Variants in COL7A1 observed in about 807,000 individuals in gnomAD.
COL7A1 encodes collagen type VII alpha 1 chain.
COL7A1 carries 296 observed loss-of-function variants against 456.2 expected under a neutral mutation model. That is an observed-to-expected ratio of 0.65 (90% CI 0.59 to 0.71). The LOEUF (loss-of-function observed/expected upper bound fraction) is 0.71. COL7A1 is among the 30% of genes least tolerant of loss of function. COL7A1 has a pLI of 0.00. For synonymous variants in COL7A1, 1,464 were observed against 1,525.9 expected (o/e 0.96, Z 0.95); for missense variants, 3,441 against 4,017.2 (o/e 0.86, Z 3.88).
Position 48,566,139 on chromosome 3 carries a change from G to T in COL7A1, c.8407+128C>A. The T allele has an allele frequency of 1.0e-6, 1 of 978,750 alleles. No homozygotes were observed. Among genetic ancestry groups the T allele is most frequent in the Non-Finnish European group, 1.6e-6 (1 of 631,854 alleles). The allele number at this position is 978,750 out of a possible 1,614,324, so 60.6% of individuals were successfully genotyped here. A position where few individuals can be genotyped will look rare whatever the true frequency, so the allele number is the denominator to read the frequency against. On this transcript the variant is annotated intron_variant, in intron 114 of 118. Transcript: ENST00000681320. This position sits in a 1 kb window ranked among gnomAD's most constrained non-coding sequence, Gnocchi z 5.9. The stretch of plus-strand genomic sequence containing the variant: ...GTCATGTGTCAGTCCTGCAGCACAT[G>T]TGTCCTTCTGTGTATCCATCCATCC...
chr3:48,569,954 G>T lies in COL7A1; in HGVS notation c.7486-39C>A. ...GGTGACCGTGAGCTACAGGAACCAG[G>T]GCAGTGGAGGACGGAGGAGGATCAG... On this transcript the variant is annotated intron_variant, in intron 99 of 118. Coordinates refer to ENST00000681320, the MANE Select transcript of COL7A1 (RefSeq NM_000094.4). The surrounding 1 kb of genome is among the most constrained non-coding windows in gnomAD (Gnocchi z 4.9). 3 of 1,613,648 alleles carry T rather than the reference G, an allele frequency of 1.9e-6. No individual in the cohort carries two copies. The highest frequency in any genetic ancestry group is 2.5e-6 in the Non-Finnish European group (3 of 1,179,694).
At position 48,569,027 on chromosome 3, in the gene COL7A1, C is replaced by G. The variant is rs2043755228; in HGVS notation, c.7687-172G>C. 6.6e-6 allele frequency among the ~76,000 whole-genome samples: 1 copy of G among 152,140 alleles called. No individual in the cohort carries two copies. The highest frequency in any genetic ancestry group is 1.5e-5 in the Non-Finnish European group (1 of 68,004). The stretch of plus-strand genomic sequence containing the variant: ...GGAACTGGGGGCTGTAGTCCACAGA[C>G]TGGCTCATTTCTCACCCCAAGGACT... On this transcript the variant is annotated intron_variant, in intron 103 of 118. Transcript: ENST00000681320. The surrounding 1 kb of genome is among the most constrained non-coding windows in gnomAD (Gnocchi z 4.9).
At position 48,581,719 on chromosome 3, in the gene COL7A1, AC is replaced by A. The variant is rs768028370; in HGVS notation, c.4708del (p.Val1570SerfsTer140). ...GPAGPRGATG[V>X]QGERGPPGLV... ...CGCTTCACTTACCCGTTCCCCTTGG[AC>A]TCCGGTAGCTCCTCTGGGCCCAGCG... On this transcript the variant is annotated frameshift_variant, in exon 49 of 119. Transcript: ENST00000681320. LOFTEE classifies it high-confidence loss of function. The surrounding 1 kb of genome is among the most constrained non-coding windows in gnomAD (Gnocchi z 5.8). 1 of 1,613,768 alleles carries A rather than the reference AC, an allele frequency of 6.2e-7. No individual in the cohort carries two copies. The highest frequency in any genetic ancestry group is 8.5e-7 in the Non-Finnish European group (1 of 1,179,960).
In COL7A1 at chr3:48,581,729, C is replaced by T; in HGVS notation, c.4699G>A (p.Ala1567Thr). 1.2e-6 allele frequency: 2 copies of T among 1,614,118 alleles called. No homozygotes were observed. The highest frequency in any genetic ancestry group is 1.7e-6 in the Non-Finnish European group (2 of 1,180,036). ...GDVGPAGPRG[A>T]TGVQGERGPP... Reference sequence around the variant, plus strand: ...ACCCGTTCCCCTTGGACTCCGGTAGCTCCTCTGGGCCCAGCGGGCCCCACA... The same window carrying T: ...ACCCGTTCCCCTTGGACTCCGGTAGTTCCTCTGGGCCCAGCGGGCCCCACA... The change falls in exon 49 of 119, where the codon GCT becomes ACT. Residue 1567 changes from alanine to threonine, a missense_variant. Transcript: ENST00000681320. This position sits in a 1 kb window ranked among gnomAD's most constrained non-coding sequence, Gnocchi z 5.8.
Position 48,592,708 on chromosome 3 carries a change from G to A in COL7A1, c.847-9C>T. 6.2e-7 allele frequency: 1 copy of A among 1,613,542 alleles called. No homozygotes were observed. Among genetic ancestry groups the A allele is most frequent in the Non-Finnish European group, 8.5e-7 (1 of 1,180,044 alleles). On this transcript the variant is annotated splice_polypyrimidine_tract_variant and intron_variant, in intron 7 of 118. Transcript: ENST00000681320. This position sits in a 1 kb window ranked among gnomAD's most constrained non-coding sequence, Gnocchi z 7.6. ...CCAGCTGGGACGTTCACCTGCCCAG[G>A]GCAAGAGGTCACTTTATCTTGCCCA...
Position 48,564,523 on chromosome 3 carries a change from G to A in COL7A1, c.8819-101C>T, listed in dbSNP as rs2043519324. 2.1e-6 allele frequency: 3 copies of A among 1,435,546 alleles called. No homozygotes were observed. The highest frequency in any genetic ancestry group is 1.8e-5 in the Admixed American group (1 of 54,878). 88.9% of individuals were successfully genotyped at this position (1,435,546 alleles called of 1,614,324 possible). On this transcript the variant is annotated intron_variant, in intron 118 of 118. Coordinates refer to ENST00000681320, the MANE Select transcript of COL7A1 (RefSeq NM_000094.4). The surrounding 1 kb of genome is among the most constrained non-coding windows in gnomAD (Gnocchi z 6.0). ...GGGGAGGGAGCGGAGGCTACAACAG[G>A]AAGTGGGGGCTCTGACCTCAGAGGG...
rs922983486 is a variant in COL7A1 at position 48,571,087 on chromosome 3, G to A, written c.7164+14C>T. 7 of 1,613,680 alleles carry A rather than the reference G, an allele frequency of 4.3e-6. No individual in the cohort carries two copies. Among genetic ancestry groups the A allele is most frequent in the Non-Finnish European group, 5.9e-6 (7 of 1,179,904 alleles). ...CCTGCTGCCCCTACAACTGGTGATGGGGCATTGACTTACCTTCACACCTGG... is the reference window on the plus strand; with the variant it reads ...CCTGCTGCCCCTACAACTGGTGATGAGGCATTGACTTACCTTCACACCTGG... On this transcript the variant is annotated intron_variant, in intron 94 of 118. Transcript: ENST00000681320. The surrounding 1 kb of genome is among the most constrained non-coding windows in gnomAD (Gnocchi z 4.6).
chr3:48,580,160 C>T lies in COL7A1; in HGVS notation c.5098-103G>A. 1.1e-5 allele frequency: 17 copies of T among 1,549,904 alleles called. No individual in the cohort carries two copies. Among genetic ancestry groups the T allele is most frequent in the Non-Finnish European group, 1.5e-5 (17 of 1,132,516 alleles). Reference sequence around the variant, plus strand: ...CTGCCCCCAAGTTCCCCGAAGCACCCCAATGCCAGCCCCCAGCAGGCATGG... The same window carrying T: ...CTGCCCCCAAGTTCCCCGAAGCACCTCAATGCCAGCCCCCAGCAGGCATGG... On this transcript the variant is annotated intron_variant, in intron 56 of 118. Coordinates refer to ENST00000681320, the MANE Select transcript of COL7A1 (RefSeq NM_000094.4). The surrounding 1 kb of genome is among the most constrained non-coding windows in gnomAD (Gnocchi z 4.5).
rs949315239 is a variant in COL7A1 at position 48,568,074 on chromosome 3, C to T, written c.7875+16G>A. On this transcript the variant is annotated intron_variant, in intron 106 of 118. Transcript: ENST00000681320. This position sits in a 1 kb window ranked among gnomAD's most constrained non-coding sequence, Gnocchi z 5.2. ...CCTTCCTGACCAGAAAAAAACCAAT[C>T]TTGTTTCTTTCCTACCTTGAGGCCC... 3.7e-6 allele frequency: 6 copies of T among 1,614,012 alleles called. No homozygotes were observed. Among genetic ancestry groups the T allele is most frequent in the Admixed American group, 3.3e-5 (2 of 60,010 alleles).
At position 48,580,862 on chromosome 3, in the gene COL7A1, T is replaced by A. The variant is rs765082267; in HGVS notation, c.4980+20A>T. On this transcript the variant is annotated intron_variant, in intron 54 of 118. Transcript: ENST00000681320. The surrounding 1 kb of genome is among the most constrained non-coding windows in gnomAD (Gnocchi z 4.5). ...GCCCACCTCCCATCACCCCTGTTACTTCTCTCTGCCAAGACTCACCCGAAG... is the reference window on the plus strand; with the variant it reads ...GCCCACCTCCCATCACCCCTGTTACATCTCTCTGCCAAGACTCACCCGAAG... The A allele has an allele frequency of 6.2e-7, 1 of 1,614,102 alleles. No individual in the cohort carries two copies.
At position 48,564,448 on chromosome 3, in the gene COL7A1, C is replaced by T. The variant is rs772578349; in HGVS notation, c.8819-26G>A. On this transcript the variant is annotated intron_variant, in intron 118 of 118. Transcript: ENST00000681320. This position sits in a 1 kb window ranked among gnomAD's most constrained non-coding sequence, Gnocchi z 6.0. ...CTGGTGAGGACAGGTTGGAAACGGTCGTCAGCCATCTGACCTTCCCCGGAG... is the reference window on the plus strand; with the variant it reads ...CTGGTGAGGACAGGTTGGAAACGGTTGTCAGCCATCTGACCTTCCCCGGAG... The T allele has an allele frequency of 3.7e-6, 6 of 1,613,704 alleles. No individual in the cohort carries two copies. The highest frequency in any genetic ancestry group is 3.3e-5 in the Admixed American group (2 of 60,004).
chr3:48,577,943 G>A lies in COL7A1; in HGVS notation c.5532+378C>T, dbSNP rs1053393432. On this transcript the variant is annotated intron_variant, in intron 65 of 118. Transcript: ENST00000681320. The stretch of plus-strand genomic sequence containing the variant: ...AGCACTTTAGGAGGCCGAGGCGGGC[G>A]GATCACCTGAGGTCAGTTTGTGATC... 1.2e-4 allele frequency among the ~76,000 whole-genome samples: 19 copies of A among 152,288 alleles called. No homozygotes were observed. The East Asian group carries it at 2.1e-3, about 17-fold the overall frequency.
Position 48,594,075 on chromosome 3 carries a change from A to G in COL7A1, c.266+293T>C, listed in dbSNP as rs2045899813. 6.6e-6 allele frequency among the ~76,000 whole-genome samples: 1 copy of G among 152,236 alleles called. No individual in the cohort carries two copies. The highest frequency in any genetic ancestry group is 2.4e-5 in the African/African-American group (1 of 41,464). On this transcript the variant is annotated intron_variant, in intron 3 of 118. Coordinates refer to ENST00000681320, the MANE Select transcript of COL7A1 (RefSeq NM_000094.4). This position sits in a 1 kb window ranked among gnomAD's most constrained non-coding sequence, Gnocchi z 5.5. ...TAGAGGGCTAGAACGTGGAGAATCC[A>G]ACAGGCGTGGGGGCCCCCTCCTGGG...
At position 48,583,787 on chromosome 3, in the gene COL7A1, A is replaced by C. The variant is rs2044975790; in HGVS notation, c.4279-7T>G. On this transcript the variant is annotated splice_polypyrimidine_tract_variant and splice_region_variant and intron_variant, in intron 39 of 118. Coordinates refer to ENST00000681320, the MANE Select transcript of COL7A1 (RefSeq NM_000094.4). The surrounding 1 kb of genome is among the most constrained non-coding windows in gnomAD (Gnocchi z 5.1). ...CAGGGCTTCCGGGAAGACCCTAGGA[A>C]GAAGTGAGTAAAAATATGAGCCAAG... 1.9e-6 allele frequency: 3 copies of C among 1,613,786 alleles called. No homozygotes were observed. The East Asian group carries it at 6.7e-5, about 36-fold the overall frequency.
chr3:48,580,111 C>T lies in COL7A1; in HGVS notation c.5098-54G>A. ...GGAGCCCTCAGGTCCCAGGCCATGGCTCTGGTTTGCCCCAGGCTCAACTCT... is the reference window on the plus strand; with the variant it reads ...GGAGCCCTCAGGTCCCAGGCCATGGTTCTGGTTTGCCCCAGGCTCAACTCT... On this transcript the variant is annotated intron_variant, in intron 56 of 118. Transcript: ENST00000681320. The surrounding 1 kb of genome is among the most constrained non-coding windows in gnomAD (Gnocchi z 4.5). The T allele has an allele frequency of 6.2e-7, 1 of 1,606,666 alleles. No individual in the cohort carries two copies.
Position 48,568,814 on chromosome 3 carries a change from C to T in COL7A1, c.7728G>A (p.Leu2576=). 2 of 1,575,868 alleles carry T rather than the reference C, an allele frequency of 1.3e-6. No individual in the cohort carries two copies. Among genetic ancestry groups the T allele is most frequent in the Middle Eastern group, 3.3e-4 (2 of 6,006 alleles). ...GTCCCAGGAGTCCACGCAGTCCTGG[C>T]AACCCGGCTGAGCCCTTGTCACCAG... ...GEPGDKGSAG[L]PGLRGLLGPQ... is the part of the protein sequence containing the mutation. The change falls in exon 104 of 119, where the codon TTG becomes TTA. Residue 2576 remains leucine (L), a synonymous_variant. Transcript: ENST00000681320. The surrounding 1 kb of genome is among the most constrained non-coding windows in gnomAD (Gnocchi z 5.2).
chr3:48,575,137 CAA>C lies in COL7A1; in HGVS notation c.6217-13_6217-12del, dbSNP rs757599008. The C allele has an allele frequency of 6.2e-7, 1 of 1,613,768 alleles. No homozygotes were observed. The highest frequency in any genetic ancestry group is 8.5e-7 in the Non-Finnish European group (1 of 1,179,906). On this transcript the variant is annotated splice_polypyrimidine_tract_variant and intron_variant, in intron 75 of 118. Coordinates refer to ENST00000681320, the MANE Select transcript of COL7A1 (RefSeq NM_000094.4). The surrounding 1 kb of genome is among the most constrained non-coding windows in gnomAD (Gnocchi z 6.3). ...AGGGCCATCTCTGCCCTGCAGGAAA[CAA>C]GAAAATGGGGTGGCAGCCCCAGCAC...
At position 48,575,326 on chromosome 3, in the gene COL7A1, C is replaced by T. The variant is rs762179156; in HGVS notation, c.6180+13G>A. 9.3e-6 allele frequency: 15 copies of T among 1,613,222 alleles called. No homozygotes were observed. In the South Asian group the frequency reaches 1.4e-4, roughly 15 times the overall value. Reference sequence around the variant, plus strand: ...CCTCTTCCCTCACTCTCCTGGCCAGCCCCCAGCCTCACCCTCTCTCCTGGC... The same window carrying T: ...CCTCTTCCCTCACTCTCCTGGCCAGTCCCCAGCCTCACCCTCTCTCCTGGC... On this transcript the variant is annotated intron_variant, in intron 74 of 118. Transcript: ENST00000681320. This position sits in a 1 kb window ranked among gnomAD's most constrained non-coding sequence, Gnocchi z 6.3.
In COL7A1 at chr3:48,583,653, G is replaced by A; in HGVS notation, c.4342-38C>T. 3 of 1,613,838 alleles carry A rather than the reference G, an allele frequency of 1.9e-6. No individual in the cohort carries two copies. The highest frequency in any genetic ancestry group is 2.2e-5 in the East Asian group (1 of 44,876). The stretch of plus-strand genomic sequence containing the variant: ...CACACGGGTGGGAAGACCGAAGGGA[G>A]GCCCTGCCCCCAGCACGCAGCCTCC... On this transcript the variant is annotated intron_variant, in intron 40 of 118. Transcript: ENST00000681320. The surrounding 1 kb of genome is among the most constrained non-coding windows in gnomAD (Gnocchi z 5.1).
Sources: gnomAD v4.1 joint callset for allele counts (sites outside exome capture counted in the v4.1 genomes callset) on GRCh38, gnomAD v4.1.1 for gene constraint, Gnocchi (gnomAD v3.1) non-coding constraint, MANE v1.5 for transcripts, NCBI Gene and HGNC (gene_info 2026-07-23, HGNC 2026-07-21) for gene names.